Variants in DPP6 observed in about 807,000 individuals in gnomAD.
DPP6 encodes the protein A-type potassium channel modulatory protein DPP6.
DPP6 carries 69 observed loss-of-function variants against 122.6 expected under a neutral mutation model. The ratio of observed to expected loss-of-function variants is 0.56; its 90% confidence interval spans 0.46 to 0.69. The LOEUF is 0.69. Ranked by LOEUF, DPP6 falls within the 30% of genes least tolerant of loss-of-function variation. The pLI is 0.00. For missense variants in DPP6, 928 were observed against 1,116.9 expected (o/e 0.83, Z 2.41); for synonymous variants, 418 against 433.1 (o/e 0.97, Z 0.43).
In DPP6 at chr7:154,833,762, C is replaced by CA. The variant is rs1191725704; in HGVS notation, c.1667-20012dup. 6.6e-6 allele frequency among the ~76,000 whole-genome samples: 1 copy of CA among 152,080 alleles called. No individual in the cohort carries two copies. The highest frequency in any genetic ancestry group is 1.5e-5 in the Non-Finnish European group (1 of 68,006). On this transcript the variant is annotated intron_variant, in intron 16 of 25. Transcript: ENST00000377770. The surrounding 1 kb of genome is among the most constrained non-coding windows in gnomAD (Gnocchi z 4.3). ...GCAGCTGATGAGTTTCCATTCTGTG[C>CA]AAAAAATTACACTAAAATGACCAAA...
At chr7:154,016,618 A>G (rs1189970033) in intron 1 of DPP6, among the ~76,000 whole-genome samples, 1 of 152,164 alleles carries the variant, frequency 6.6e-6, no homozygotes, top group Non-Finnish European at 1.5e-5. Context: ...TTGGAAAAAA[A>G]TTAGCTGGGT....
chr7:154,354,570 G>A (rs1811123462), intron 1 of DPP6, among the ~76,000 whole-genome samples: 1 of 152,084 alleles, frequency 6.6e-6, no homozygotes, highest in Non-Finnish European at 1.5e-5. Flanking sequence ...TCTTCCCAAA[G>A]ATAAACACTA....
chr7:154,615,465 A>G (rs966120582), intron 5 of DPP6, among the ~76,000 whole-genome samples: 8 of 152,234 alleles, frequency 5.3e-5, no homozygotes, highest in Admixed American at 2.0e-4. Flanking sequence ...TTAAAATATT[A>G]TAATCCATTT....
At chr7:154,786,564 T>C (rs990372523) in intron 10 of DPP6, among the ~76,000 whole-genome samples, 1 of 152,164 alleles carries the variant, frequency 6.6e-6, no homozygotes, top group South Asian at 2.1e-4. Flanking sequence ...TGCCACCATA[T>C]GAAGAAGGAT....
At chr7:154,661,938 T>C (rs1837710513) in intron 6 of DPP6, among the ~76,000 whole-genome samples, 1 of 150,754 alleles carries the variant, frequency 6.6e-6, no homozygotes, top group Non-Finnish European at 1.5e-5. Context: ...CATGGCGTAT[T>C]GGCGGTAGTG....
chr7:154,834,407 C>T (rs919106858), intron 16 of DPP6, among the ~76,000 whole-genome samples: 2 of 151,860 alleles, frequency 1.3e-5, no homozygotes, highest in African/African-American at 2.4e-5. Flanking sequence ...ACCCAGGAGG[C>T]GGAGGTTGCA....
intron 7 of DPP6, among the ~76,000 whole-genome samples, chr7:154,698,190 A>G (rs1376894111): frequency 6.6e-6 from 1 of 152,182 alleles, no homozygotes; most frequent in African/African-American, 2.4e-5. Context: ...AGCATTGTAT[A>G]CAATTAAATA....
At chr7:154,861,328 A>T (rs1803378680) in intron 17 of DPP6, among the ~76,000 whole-genome samples, 1 of 152,214 alleles carries the variant, frequency 6.6e-6, no homozygotes, top group African/African-American at 2.4e-5. Context: ...AAGCTGTACA[A>T]AATAAGTTTT....
intron 1 of DPP6, among the ~76,000 whole-genome samples, chr7:153,918,978 C>CAAAAAAAA (rs386411718): frequency 1.1e-5 from 1 of 89,344 alleles, no homozygotes; most frequent in Non-Finnish European, 2.1e-5. Flanking sequence ...GACTCTGTCT[C>CAAAAAAAA]AAAAAAAAAA....
chr7:154,016,722 A>T (rs1798436840), intron 1 of DPP6, among the ~76,000 whole-genome samples: 2 of 152,194 alleles, frequency 1.3e-5, no homozygotes, highest in African/African-American at 4.8e-5. Context: ...TTTTGGGGGA[A>T]CTTTCATACT....
chr7:154,789,491 T>G (rs1587144075), intron 10 of DPP6, among the ~76,000 whole-genome samples: 1 of 152,364 alleles, frequency 6.6e-6, no homozygotes, highest in Middle Eastern at 3.4e-3. Flanking sequence ...TTGTCTGGTT[T>G]CACCAGTGCC....
At chr7:153,922,880 C>CA (rs1800706267) in intron 1 of DPP6, among the ~76,000 whole-genome samples, 1 of 152,096 alleles carries the variant, frequency 6.6e-6, no homozygotes, top group African/African-American at 2.4e-5. Flanking sequence ...GGACAACAAT[C>CA]AAAAAAGGGA....
chr7:154,315,571 A>G (rs1807362548), intron 1 of DPP6, among the ~76,000 whole-genome samples: 1 of 152,074 alleles, frequency 6.6e-6, no homozygotes, highest in Non-Finnish European at 1.5e-5. Context: ...GTAGGAATGT[A>G]CTCAGTGCTC....
intron 3 of DPP6, among the ~76,000 whole-genome samples, chr7:154,492,804 G>A (rs770254178): frequency 1.1e-4 from 16 of 152,240 alleles, no homozygotes; most frequent in Admixed American, 3.9e-4. Context: ...TCTCTAATCC[G>A]GGATGAAGCT....
rs776974134 is a variant in DPP6, at chr7:154,885,653, C to T, written c.2154C>T (p.Ser718=). 8 of 1,582,190 alleles carry T rather than the reference C, an allele frequency of 5.1e-6. No homozygotes were observed. In the East Asian group the frequency reaches 1.9e-4, roughly 37 times the overall value. Residue 718 remains serine, a synonymous_variant, in exon 22 of 26, where the codon AGC becomes AGT. Transcript: ENST00000377770. ...TCCAGGATTACGGTGGCTACCTGAG[C>T]ACCTACATCCTCCCAGCAAAGGGAG... is the stretch of plus-strand genomic sequence containing the variant. The part of the protein sequence containing the change: ...VFGKDYGGYL[S]TYILPAKGEN...
At chr7:153,987,712 T>C (rs992331595) in intron 1 of DPP6, among the ~76,000 whole-genome samples, 1 of 152,148 alleles carries the variant, frequency 6.6e-6, no homozygotes, top group African/African-American at 2.4e-5. Flanking sequence ...TGTGGGGTGC[T>C]GCAGCTGGGG....
chr7:154,409,681 G>C (rs909057624), intron 1 of DPP6, among the ~76,000 whole-genome samples: 1 of 152,164 alleles, frequency 6.6e-6, no homozygotes, highest in Admixed American at 6.5e-5. Context: ...TTCCAGGTTT[G>C]TTTTGTTTTT....
chr7:154,442,608 A>G (rs1282713201), intron 1 of DPP6, among the ~76,000 whole-genome samples: 2 of 152,154 alleles, frequency 1.3e-5, no homozygotes, highest in East Asian at 3.9e-4. Flanking sequence ...GGTAGAACTT[A>G]GATTTGGCCT....
chr7:153,831,552 C>G, the DPP6 span, among the ~76,000 whole-genome samples: 2 of 152,196 alleles, frequency 1.3e-5, no homozygotes, highest in African/African-American at 4.8e-5. Context: ...CCCAGACAGT[C>G]TGTGTCACAA....
Sources: allele counts gnomAD v4.1 joint callset (sites outside exome capture counted in the v4.1 genomes callset), GRCh38; gene constraint gnomAD v4.1.1; non-coding constraint Gnocchi (gnomAD v3.1); transcripts MANE v1.5; gene names NCBI Gene and HGNC (gene_info 2026-07-23, HGNC 2026-07-21).